Variants in MLPH observed in about 807,000 individuals in gnomAD.
MLPH encodes the protein exophilin-3.
A neutral mutation model predicts 72.1 loss-of-function variants in MLPH; 51 were observed. The ratio of observed to expected loss-of-function variants is 0.71; its 90% CI spans 0.56 to 0.89. The LOEUF (loss-of-function observed/expected upper bound fraction) is 0.89, where lower values mean the gene tolerates loss of function less well. Among genes scored for constraint, MLPH ranks in the 40% least tolerant of loss-of-function variants. MLPH has a pLI of 0.00. For synonymous variants in MLPH, 301 were observed against 310.1 expected (o/e 0.97, Z 0.31); for missense variants, 743 against 759.9 (o/e 0.98, Z 0.26).
intron 8 of MLPH, among the ~76,000 whole-genome samples, chr2:237,533,139 G>C (rs188447239): frequency 4.6e-5 from 7 of 152,286 alleles, no homozygotes; most frequent in African/African-American, 1.4e-4. Flanking sequence ...ACATCTTTAA[G>C]ATGGGAGCTA....
chr2:237,503,830 C>G (rs1456325691), intron 2 of MLPH, among the ~76,000 whole-genome samples: 2 of 152,094 alleles, frequency 1.3e-5, no homozygotes, highest in African/African-American at 2.4e-5. Flanking sequence ...ATAATCCCCC[C>G]CAAAAAGATG....
chr2:237,510,904 T>TGG lies in MLPH; in HGVS notation c.333-84_333-83insGG. ...GGACGCACACATGCACACACTCGTG[T>TGG]GTGTGTGTGTGTGTGTGTGTGAGAT... is the stretch of plus-strand genomic sequence containing the variant. On this transcript the variant is annotated intron_variant, in intron 3 of 15. Coordinates refer to ENST00000264605, the MANE Select transcript of MLPH (RefSeq NM_024101.7). The surrounding 1 kb of genome is among the most constrained non-coding windows in gnomAD (Gnocchi z 4.4). 8.1e-7 allele frequency: 1 copy of TGG among 1,239,930 alleles called. No homozygotes were observed. 76.8% of individuals were successfully genotyped at this position (1,239,930 alleles called of 1,614,324 possible).
At chr2:237,516,780 A>AATGGATGGATGGATGG (rs545327814) in intron 4 of MLPH, among the ~76,000 whole-genome samples, 2 of 142,660 alleles carry the variant, frequency 1.4e-5, no homozygotes, top group Non-Finnish European at 3.1e-5. Context: ...GGGAGAGATG[A>AATGGATGGATGGATGG]ATGGATGGAT....
chr2:237,500,607 G>A (rs13424891), intron 2 of MLPH, among the ~76,000 whole-genome samples: 10,108 of 152,140 alleles, frequency 0.066, 1,097 homozygotes, highest in African/African-American at 0.23. Context: ...GCAAAGGCTT[G>A]CACGACACTG....
At chr2:237,524,924 G>GAA (rs2080270194) in intron 6 of MLPH, among the ~76,000 whole-genome samples, 1 of 152,182 alleles carries the variant, frequency 6.6e-6, no homozygotes, top group Non-Finnish European at 1.5e-5. Context: ...AAGCAGGGTG[G>GAA]GTCCTGGAAG....
chr2:237,539,491 T>C (rs1310177270), intron 9 of MLPH, among the ~76,000 whole-genome samples: 2 of 152,206 alleles, frequency 1.3e-5, no homozygotes, highest in African/African-American at 2.4e-5. Context: ...CTTAGCACCA[T>C]GTTGGCTGTA....
chr2:237,506,167 C>A (rs1559341109), intron 2 of MLPH, among the ~76,000 whole-genome samples: 1 of 152,224 alleles, frequency 6.6e-6, no homozygotes, highest in Admixed American at 6.5e-5. Context: ...TGGGTCATAT[C>A]TATTAATATT....
intron 6 of MLPH, among the ~76,000 whole-genome samples, chr2:237,521,457 G>A (rs1238621551): frequency 2.0e-5 from 3 of 152,284 alleles, no homozygotes. Context: ...TATGGATGAT[G>A]GACCCTGAAC....
intron 8 of MLPH, among the ~76,000 whole-genome samples, chr2:237,528,723 A>C (rs1189495847): frequency 2.0e-5 from 3 of 152,056 alleles, no homozygotes; most frequent in Non-Finnish European, 4.4e-5. Context: ...TTCACCCCCC[A>C]AAAAAATCCC....
At chr2:237,525,861 C>G (rs1358152533) in intron 7 of MLPH, 56 bp downstream of exon 7, 4 of 1,540,430 alleles carry the variant, frequency 2.6e-6, no homozygotes, top group Non-Finnish European at 3.5e-6. Flanking sequence ...GAGCAGGTCA[C>G]TGAGGAACAA....
chr2:237,515,100 T>G (rs139458003), intron 4 of MLPH, among the ~76,000 whole-genome samples: 1 of 152,186 alleles, frequency 6.6e-6, no homozygotes, highest in East Asian at 1.9e-4. Flanking sequence ...TTCCAACCCA[T>G]GTAAAAGATC....
intron 1 of MLPH, among the ~76,000 whole-genome samples, chr2:237,490,119 T>C (rs1486873547): frequency 1.3e-5 from 2 of 152,078 alleles, no homozygotes; most frequent in African/African-American, 2.4e-5. Flanking sequence ...AAGGAGCAGA[T>C]AGAGCAGGGT....
intron 2 of MLPH, among the ~76,000 whole-genome samples, chr2:237,493,907 G>A (rs2079480761): frequency 6.6e-6 from 1 of 152,192 alleles, no homozygotes; most frequent in Non-Finnish European, 1.5e-5. Context: ...CTTTAGGACA[G>A]AGGCTGCCCT....
At position 237,493,380 on chromosome 2, in the gene MLPH, C is replaced by T. The variant is rs374243871; in HGVS notation, c.-24-23C>T. On this transcript the variant is annotated intron_variant, in intron 1 of 15. Coordinates refer to ENST00000264605, the MANE Select transcript of MLPH (RefSeq NM_024101.7). ...ATTGGTAGGCTTCTGGGACTGATGA[C>T]TTGTGATCCTGTGACATTCCAGGTG... The T allele has an allele frequency of 1.9e-5, 28 of 1,489,568 alleles. No homozygotes were observed. In the African/African-American group the frequency reaches 3.4e-4, roughly 18 times the overall value. The allele number at this position is 1,489,568 out of a possible 1,614,324, so 92.3% of individuals were successfully genotyped here.
At position 237,553,941 on chromosome 2, in the gene MLPH, C is replaced by T; in HGVS notation, c.*349C>T. 1 of 429,034 alleles carries T rather than the reference C, an allele frequency of 2.3e-6. No homozygotes were observed. Among genetic ancestry groups the T allele is most frequent in the Non-Finnish European group, 4.4e-6 (1 of 227,414 alleles). The allele number at this position is 429,034 out of a possible 1,614,324, so 26.6% of individuals were successfully genotyped here. A position where few individuals can be genotyped will look rare whatever the true frequency, so the allele number is the denominator to read the frequency against. On this transcript the variant is annotated 3_prime_UTR_variant, in exon 16 of 16. Coordinates refer to ENST00000264605, the MANE Select transcript of MLPH (RefSeq NM_024101.7). ...TTTTACCCCTTTCACTCTTGGCTTTCTTATGTTGCTTTCATGAATGGAATG... is the reference window on the plus strand; with the variant it reads ...TTTTACCCCTTTCACTCTTGGCTTTTTTATGTTGCTTTCATGAATGGAATG...
chr2:237,553,478 G>T, intron 15 of MLPH, 88 bp from the exon 16 acceptor site: 6 of 1,228,670 alleles, frequency 4.9e-6, no homozygotes, highest in Non-Finnish European at 7.0e-6. Flanking sequence ...ACACACCTGT[G>T]TATTTGTATG....
intron 2 of MLPH, among the ~76,000 whole-genome samples, chr2:237,506,612 A>G (rs1478581038): frequency 3.9e-5 from 6 of 152,316 alleles, no homozygotes; most frequent in African/African-American, 1.4e-4. Flanking sequence ...AATGGAACAG[A>G]ACAGGACAGG....
At chr2:237,525,915 G>A (rs898417876) in intron 7 of MLPH, 110 bp downstream of exon 7, 3 of 1,093,736 alleles carry the variant, frequency 2.7e-6, no homozygotes, top group Non-Finnish European at 4.0e-6. Context: ...GATTTGAAAG[G>A]CCCCTTCCTT....
chr2:237,503,504 C>G (rs2079697231), intron 2 of MLPH, among the ~76,000 whole-genome samples: 1 of 152,178 alleles, frequency 6.6e-6, no homozygotes, highest in Admixed American at 6.5e-5. Flanking sequence ...TGCTGCTCCT[C>G]AGCAATGCTG....
Sources: gnomAD v4.1 joint callset for allele counts (sites outside exome capture counted in the v4.1 genomes callset) on GRCh38, gnomAD v4.1.1 for gene constraint, Gnocchi (gnomAD v3.1) non-coding constraint, MANE v1.5 for transcripts, NCBI Gene and HGNC (gene_info 2026-07-23, HGNC 2026-07-21) for gene names.